The following COG5 variants were observed in gnomAD, a reference collection of about 807,000 sequenced individuals.
COG5 encodes the protein component of oligomeric golgi complex 5, also known as conserved oligomeric Golgi complex subunit 5.
A neutral mutation model predicts 110.4 loss-of-function variants in COG5; 86 were observed. The observed-to-expected ratio is 0.78, with a 90% CI of 0.65 to 0.93. The LOEUF (loss-of-function observed/expected upper bound fraction) is 0.93. COG5 is among the 40% of genes least tolerant of loss of function. The pLI is 0.00. For missense variants in COG5, 1,077 were observed against 987.0 expected (o/e 1.09, Z -1.22); for synonymous variants, 360 against 334.6 (o/e 1.08, Z -0.83).
chr7:107,444,137 C>T (rs939698297), intron 6 of COG5, among the ~76,000 whole-genome samples: 1 of 152,098 alleles, frequency 6.6e-6, no homozygotes, highest in African/African-American at 2.4e-5. Flanking sequence ...ATCTTCAAAA[C>T]GGGGATGATG....
At chr7:107,470,172 A>G (rs1241509687) in intron 6 of COG5, 1 of 152,226 alleles carries the variant, frequency 6.6e-6, no homozygotes, top group Non-Finnish European at 1.5e-5. Context: ...AGTATGTTAA[A>G]TTACTTTCAT....
intron 6 of COG5, among the ~76,000 whole-genome samples, chr7:107,449,840 A>C (rs1795228175): frequency 6.6e-6 from 1 of 152,196 alleles, no homozygotes; most frequent in South Asian, 2.1e-4. Flanking sequence ...TTTGCAAAAT[A>C]TCTTTTTATC....
At chr7:107,403,623 AAGGATAAGCAGCTCTCTCAGGCTCTG>A (rs751877943) in intron 7 of COG5, among the ~76,000 whole-genome samples, 10 of 151,936 alleles carry the variant, frequency 6.6e-5, no homozygotes, top group Non-Finnish European at 1.3e-4. Context: ...CACATGGCAA[AAGGATAAGCAGCTCTCTCAGGCTCTG>A]AGTAAAATGA....
At chr7:107,356,784 T>C (rs969813314) in intron 10 of COG5, among the ~76,000 whole-genome samples, 1 of 152,142 alleles carries the variant, frequency 6.6e-6, no homozygotes, top group Admixed American at 6.5e-5. Flanking sequence ...AGTTATACTG[T>C]TTTACTTCAT....
At chr7:107,287,664 A>G (rs927649847) in intron 12 of COG5, among the ~76,000 whole-genome samples, 1 of 152,052 alleles carries the variant, frequency 6.6e-6, no homozygotes, top group African/African-American at 2.4e-5. Flanking sequence ...CCCAGGCCCA[A>G]TCGATCACTA....
chr7:107,446,428 G>A lies in COG5; in HGVS notation c.539-33796C>T, dbSNP rs565246053. Among the ~76,000 whole-genome samples the A allele has an allele frequency of 1.1e-4, 17 of 152,138 alleles. No individual in the cohort carries two copies. In the South Asian group the frequency reaches 3.5e-3, roughly 32 times the overall value. ...TGTCATCTTAGGCACACATACTTAC[G>A]GTAACCAGCCTTCAACATGATCCCC... On this transcript the variant is annotated intron_variant, in intron 6 of 21. Coordinates refer to ENST00000297135, the MANE Select transcript of COG5 (RefSeq NM_006348.5).
intron 8 of COG5, among the ~76,000 whole-genome samples, chr7:107,363,582 G>GA (rs954339677): frequency 3.6e-4 from 54 of 150,356 alleles, no homozygotes; most frequent in South Asian, 1.1e-3. Context: ...GACAGAATTA[G>GA]AAAAAAAAAT....
chr7:107,338,130 T>G (rs1810860724), intron 10 of COG5, among the ~76,000 whole-genome samples: 1 of 151,832 alleles, frequency 6.6e-6, no homozygotes, highest in Non-Finnish European at 1.5e-5. Flanking sequence ...CAATGGCATT[T>G]TTAGTAGAAA....
chr7:107,404,771 G>A (rs1011800254), intron 7 of COG5, among the ~76,000 whole-genome samples: 3 of 151,612 alleles, frequency 2.0e-5, no homozygotes, highest in African/African-American at 7.3e-5. Context: ...TGGTGTGAGA[G>A]GACTCTCAGT....
intron 10 of COG5, among the ~76,000 whole-genome samples, chr7:107,348,690 A>C (rs999265044): frequency 1.4e-4 from 22 of 152,272 alleles, no homozygotes; most frequent in African/African-American, 3.8e-4. Context: ...TATAGTTACC[A>C]CTTGTTAACA....
intron 10 of COG5, among the ~76,000 whole-genome samples, chr7:107,357,976 C>G (rs1009570887): frequency 1.3e-5 from 2 of 152,194 alleles, no homozygotes; most frequent in Non-Finnish European, 2.9e-5. Context: ...GACTCATACG[C>G]ATTTAAAATC....
chr7:107,226,793 G>T (rs1455687246), intron 19 of COG5, among the ~76,000 whole-genome samples: 4 of 152,104 alleles, frequency 2.6e-5, no homozygotes, highest in African/African-American at 7.2e-5. Flanking sequence ...TAAAATAGTT[G>T]TATCAGTCCC....
intron 14 of COG5, among the ~76,000 whole-genome samples, chr7:107,273,821 T>A (rs549414482): frequency 3.1e-4 from 47 of 151,906 alleles, no homozygotes; most frequent in African/African-American, 1.1e-3. Context: ...AGAAAAAAAA[T>A]TTTTAAATGA....
chr7:107,368,786 C>G (rs528508437), intron 8 of COG5, among the ~76,000 whole-genome samples: 35 of 152,186 alleles, frequency 2.3e-4, no homozygotes, highest in Non-Finnish European at 4.6e-4. Flanking sequence ...TTGACTTTCT[C>G]AACATTTATG....
chr7:107,508,629 C>T (rs926325097), intron 6 of COG5, among the ~76,000 whole-genome samples: 1 of 152,208 alleles, frequency 6.6e-6, no homozygotes, highest in Non-Finnish European at 1.5e-5. Flanking sequence ...GAGGCACCCC[C>T]CAGTAGGGGC....
intron 6 of COG5, among the ~76,000 whole-genome samples, chr7:107,436,998 C>G (rs1794408151): frequency 6.6e-6 from 1 of 152,112 alleles, no homozygotes; most frequent in South Asian, 2.1e-4. Context: ...TATTTGTGGT[C>G]AAACAGCATG....
intron 6 of COG5, 66 bp from the exon 7 acceptor site, chr7:107,412,698 T>C (rs539586376): frequency 2.8e-5 from 27 of 968,580 alleles, no homozygotes; most frequent in African/African-American, 2.5e-4. Flanking sequence ...GGTATCAAAA[T>C]ATGTATAACT....
intron 19 of COG5, among the ~76,000 whole-genome samples, chr7:107,220,813 T>G (rs992922849): frequency 6.0e-5 from 9 of 149,650 alleles, no homozygotes; most frequent in African/African-American, 2.2e-4. Context: ...GACTCATGCC[T>G]TCTTTTTTTT....
chr7:107,490,128 CA>C, intron 6 of COG5, among the ~76,000 whole-genome samples: 1 of 152,168 alleles, frequency 6.6e-6, no homozygotes, highest in East Asian at 1.9e-4. Flanking sequence ...TTTCTCACCT[CA>C]ACAGAAATTT....
Sources: gnomAD v4.1 joint callset for allele counts (sites outside exome capture counted in the v4.1 genomes callset) on GRCh38, gnomAD v4.1.1 for gene constraint, MANE v1.5 for transcripts, NCBI Gene and HGNC (gene_info 2026-07-23, HGNC 2026-07-21) for gene names.